Variants in MLPH observed in about 807,000 individuals in gnomAD.
MLPH encodes the protein exophilin-3.
Under a neutral mutation model 72.1 loss-of-function variants are expected in MLPH, and 51 were observed. The ratio of observed to expected loss-of-function variants is 0.71; its 90% CI spans 0.56 to 0.89. The LOEUF is 0.89. Ranked by LOEUF, MLPH falls within the 40% of genes least tolerant of loss-of-function variation. The probability of loss-of-function intolerance (pLI) is 0.00; values close to 1 mark genes in which losing one functional copy is unlikely to be tolerated. For missense variants in MLPH, 743 were observed against 759.9 expected (o/e 0.98, Z 0.26); for synonymous variants, 301 against 310.1 (o/e 0.97, Z 0.31).
rs748849157 is a variant in MLPH, at chr2:237,553,638, C to T, written c.*46C>T. On this transcript the variant is annotated 3_prime_UTR_variant, in exon 16 of 16. Coordinates refer to ENST00000264605, the MANE Select transcript of MLPH (RefSeq NM_024101.7). ...GAGCAGCCCTGCACTGTTTTCCCTC[C>T]ACCACAGCCATCCTGTCCCTCATTG... is the stretch of plus-strand genomic sequence containing the variant. The T allele has an allele frequency of 3.7e-6, 6 of 1,613,748 alleles. No homozygotes were observed. The highest frequency in any genetic ancestry group is 1.1e-5 in the South Asian group (1 of 91,084).
chr2:237,487,802 C>G (rs1330078130), intron 1 of MLPH, among the ~76,000 whole-genome samples: 1 of 152,162 alleles, frequency 6.6e-6, no homozygotes, highest in Non-Finnish European at 1.5e-5. Context: ...GTAGGCTGGC[C>G]CCAGGGGAAA....
intron 8 of MLPH, among the ~76,000 whole-genome samples, chr2:237,533,993 G>A (rs998482200): frequency 6.6e-6 from 1 of 152,246 alleles, no homozygotes; most frequent in Non-Finnish European, 1.5e-5. Context: ...TCTGCTGGGT[G>A]AGGAAGAAAA....
chr2:237,517,049 G>C (rs1238338078), intron 4 of MLPH, among the ~76,000 whole-genome samples: 1 of 106,876 alleles, frequency 9.4e-6, no homozygotes, highest in Non-Finnish European at 2.0e-5. Context: ...GGATAGGTAA[G>C]TGGATGGGTG....
intron 6 of MLPH, among the ~76,000 whole-genome samples, chr2:237,523,697 C>T (rs2080238288): frequency 6.6e-6 from 1 of 152,048 alleles, no homozygotes; most frequent in Admixed American, 6.5e-5. Flanking sequence ...ACAAGTGTCC[C>T]TCGTTGTGTT....
intron 2 of MLPH, among the ~76,000 whole-genome samples, chr2:237,501,708 G>T (rs1298208372): frequency 1.3e-5 from 2 of 149,882 alleles, no homozygotes; most frequent in African/African-American, 4.9e-5. Context: ...AATTAGCCAG[G>T]CATGGTGGCA....
At chr2:237,491,605 G>A (rs548601195) in intron 1 of MLPH, among the ~76,000 whole-genome samples, 5 of 152,192 alleles carry the variant, frequency 3.3e-5, no homozygotes, top group Non-Finnish European at 7.3e-5. Flanking sequence ...ACGTTAAAGG[G>A]ATGGGGACAG....
At chr2:237,532,198 C>T (rs2080433963) in intron 8 of MLPH, among the ~76,000 whole-genome samples, 1 of 152,196 alleles carries the variant, frequency 6.6e-6, no homozygotes, top group South Asian at 2.1e-4. Flanking sequence ...CCATCAACCC[C>T]AAGACTCCCA....
chr2:237,495,475 T>A (rs1485304301), intron 2 of MLPH, among the ~76,000 whole-genome samples: 1 of 152,058 alleles, frequency 6.6e-6, no homozygotes, highest in Non-Finnish European at 1.5e-5. Flanking sequence ...GGACGTGAGC[T>A]CAAGCATGTT....
At chr2:237,535,116 G>A (rs2080504637) in intron 9 of MLPH, among the ~76,000 whole-genome samples, 1 of 152,172 alleles carries the variant, frequency 6.6e-6, no homozygotes. Flanking sequence ...TTGGCTCATG[G>A]TTCTGGAGAC....
Position 237,519,934 on chromosome 2 carries a change from G to C in MLPH, c.580G>C (p.Asp194His). The stretch of plus-strand genomic sequence containing the variant: ...GAAAAAGCGCCTCCTCTCCGTCCAC[G>C]ACTTCGACTTCGAGGGAGACTCAGA... ...SKKKRLLSVHDFDFEGDSDDS... is the reference protein window; with the variant it reads ...SKKKRLLSVHHFDFEGDSDDS... The change falls in exon 6 of 16, where the codon GAC (aspartate) becomes CAC (histidine). Residue 194 changes from aspartate (D) to histidine (H), a missense_variant. Transcript: ENST00000264605. The C allele has an allele frequency of 1.2e-6, 2 of 1,613,946 alleles. No individual in the cohort carries two copies. The highest frequency in any genetic ancestry group is 1.6e-4 in the Middle Eastern group (1 of 6,062).
intron 4 of MLPH, among the ~76,000 whole-genome samples, chr2:237,517,391 G>T (rs1005203553): frequency 1.3e-5 from 2 of 150,962 alleles, no homozygotes; most frequent in Non-Finnish European, 3.0e-5. Flanking sequence ...GGGCAGATAA[G>T]GTGGTAGGTG....
intron 6 of MLPH, among the ~76,000 whole-genome samples, chr2:237,522,077 G>A (rs111869748): frequency 2.5e-5 from 2 of 79,404 alleles, no homozygotes; most frequent in East Asian, 4.0e-4. Flanking sequence ...CTGGGGTTGG[G>A]CCTTCAAACA....
intron 4 of MLPH, 189 bp downstream of exon 4, chr2:237,511,290 T>A (rs981240600): frequency 7.3e-5 from 40 of 545,906 alleles, no homozygotes; most frequent in Non-Finnish European, 1.2e-4. Context: ...TTTTTAATTT[T>A]TGTAGAGACA....
chr2:237,550,669 C>T (rs959647664), intron 14 of MLPH, among the ~76,000 whole-genome samples: 2 of 152,202 alleles, frequency 1.3e-5, no homozygotes, highest in Non-Finnish European at 1.5e-5. Context: ...CCTGCCTCTG[C>T]CTCCTGAGTA....
chr2:237,545,200 T>TGGA (rs1553602679), intron 12 of MLPH, among the ~76,000 whole-genome samples: 2,463 of 12,296 alleles, frequency 0.2, 168 homozygotes, highest in Non-Finnish European at 0.23. Flanking sequence ...CAGTGGTGAG[T>TGGA]GGGGACAGTG....
chr2:237,490,067 C>T (rs1344704346), intron 1 of MLPH, among the ~76,000 whole-genome samples: 2 of 152,162 alleles, frequency 1.3e-5, no homozygotes, highest in Admixed American at 6.5e-5. Flanking sequence ...GTGTTTTGTT[C>T]AGGAACCTCG....
At position 237,508,586 on chromosome 2, in the gene MLPH, C is replaced by T. The variant is rs78541836; in HGVS notation, c.111-1988C>T. ...AGCATTATTACAAAAATAGCTTTGG[C>T]CTTGTGACTCACCCCCCTAAAGGAT... On this transcript the variant is annotated intron_variant, in intron 2 of 15. Coordinates refer to ENST00000264605, the MANE Select transcript of MLPH (RefSeq NM_024101.7). Among the ~76,000 whole-genome samples, 1,228 of 152,252 alleles carry T rather than the reference C, an allele frequency of 8.1e-3. 17 individuals are homozygous for T. Among genetic ancestry groups the T allele is most frequent in the South Asian group, 0.047 (227 of 4,828 alleles).
At chr2:237,525,851 G>A in intron 7 of MLPH, 46 bp downstream of exon 7, 1 of 1,578,450 alleles carries the variant, frequency 6.3e-7, no homozygotes. Flanking sequence ...CGGCATGGGG[G>A]AGCAGGTCAC....
intron 6 of MLPH, 107 bp from the exon 7 acceptor site, chr2:237,525,494 G>T: frequency 8.8e-7 from 1 of 1,130,744 alleles, no homozygotes; most frequent in Non-Finnish European, 1.3e-6. Flanking sequence ...TGCTGGGTCA[G>T]TCAAGTGCCT....
Sources: allele counts gnomAD v4.1 joint callset (sites outside exome capture counted in the v4.1 genomes callset), GRCh38; gene constraint gnomAD v4.1.1; transcripts MANE v1.5; gene names NCBI Gene and HGNC (gene_info 2026-07-23, HGNC 2026-07-21).